Variants in SCRIB observed in about 807,000 individuals in gnomAD.
SCRIB encodes the protein scribble planar cell polarity protein, also known as protein scribble homolog.
SCRIB carries 72 observed loss-of-function variants against 170.0 expected under a neutral mutation model. The ratio of observed to expected loss-of-function variants is 0.42; its 90% CI spans 0.35 to 0.52. The LOEUF (loss-of-function observed/expected upper bound fraction) is 0.52. Ranked by LOEUF, SCRIB falls within the 20% of genes least tolerant of loss-of-function variation. The pLI, the probability that SCRIB is intolerant of heterozygous loss-of-function variation, is 0.02. For synonymous variants in SCRIB, 1,298 were observed against 1,044.3 expected (o/e 1.24, Z -4.68); for missense variants, 2,475 against 2,338.5 (o/e 1.06, Z -1.20).
chr8:143,813,306 C>T lies in SCRIB; in HGVS notation c.567+5G>A, dbSNP rs753422646. 6 of 1,613,362 alleles carry T rather than the reference C, an allele frequency of 3.7e-6. No homozygotes were observed. Among genetic ancestry groups the T allele is most frequent in the East Asian group, 4.5e-5 (2 of 44,892 alleles). On this transcript the variant is annotated splice_donor_5th_base_variant and intron_variant, in intron 6 of 36. Coordinates refer to ENST00000356994, the MANE Select transcript of SCRIB (RefSeq NM_182706.5). ...CGGTCTCTGCCCTGTCAGGCCTCCA[C>T]GCACCAGCACTTCCAGATCGTTGCC...
Position 143,812,938 on chromosome 8 carries a change from C to G in SCRIB, c.666G>C (p.Leu222=). 3 of 1,612,830 alleles carry G rather than the reference C, an allele frequency of 1.9e-6. No homozygotes were observed. The highest frequency in any genetic ancestry group is 2.5e-6 in the Non-Finnish European group (3 of 1,179,902). Residue 222 remains leucine, a synonymous_variant, in exon 8 of 37, where the codon CTG becomes CTC. Coordinates refer to ENST00000356994, the MANE Select transcript of SCRIB (RefSeq NM_182706.5). ...LPPELGNLRR[L]VCLDVSENRL... is the part of the protein sequence containing the mutation. The stretch of plus-strand genomic sequence containing the variant: ...GGTTTTCCGACACGTCCAGGCACAC[C>G]AGGCGCCGCAGGTTCCCGAGCTCCT...
In SCRIB at chr8:143,808,632, C is replaced by A; in HGVS notation, c.2092G>T (p.Val698Leu). The change falls in exon 15 of 37, where the codon GTG becomes TTG. Residue 698 changes from valine to leucine, a missense_variant. Physicochemically the swap from Val to Leu is conservative, Grantham distance 32 (BLOSUM62 1). Coordinates refer to ENST00000356994, the MANE Select transcript of SCRIB (RefSeq NM_182706.5). ...ACCTTGACAGAGGGCGCAGAAACCACGGCCCCCTCCTTGTCCTCCTCCTCA... is the reference window on the plus strand; with the variant it reads ...ACCTTGACAGAGGGCGCAGAAACCAAGGCCCCCTCCTTGTCCTCCTCCTCA... Reference protein sequence around the residue: ...STEEEDKEGAVVSAPSVKGVS... With the variant: ...STEEEDKEGALVSAPSVKGVS... 1.3e-6 allele frequency: 2 copies of A among 1,511,856 alleles called. No homozygotes were observed. The highest frequency in any genetic ancestry group is 1.8e-6 in the Non-Finnish European group (2 of 1,131,060). The allele number at this position is 1,511,856 out of a possible 1,614,324, so 93.7% of individuals were successfully genotyped here. A position where few individuals can be genotyped will look rare whatever the true frequency, so the allele number is the denominator to read the frequency against.
At chr8:143,811,094 T>C in intron 10 of SCRIB, 22 bp from the exon 11 acceptor site, 1 of 1,607,576 alleles carries the variant, frequency 6.2e-7, no homozygotes, top group Non-Finnish European at 8.5e-7. Flanking sequence ...GCGGGCACAG[T>C]CAGCAGGCGT....
rs1194991600 is a variant in SCRIB, at chr8:143,815,388, C to T, written c.-16G>A. 18 of 1,289,542 alleles carry T rather than the reference C, an allele frequency of 1.4e-5. No individual in the cohort carries two copies. Among genetic ancestry groups the T allele is most frequent in the Non-Finnish European group, 1.6e-5 (16 of 1,010,152 alleles). 79.9% of individuals were successfully genotyped at this position (1,289,542 alleles called of 1,614,324 possible). A position where few individuals can be genotyped will look rare whatever the true frequency, so the allele number is the denominator to read the frequency against. The stretch of plus-strand genomic sequence containing the variant: ...ACTTGAGCATGGTGCGGGTGGGCGG[C>T]GCGGGCTCCGGCGGCGGCGCTCGGC... On this transcript the variant is annotated 5_prime_UTR_variant, in exon 1 of 37. Coordinates refer to ENST00000356994, the MANE Select transcript of SCRIB (RefSeq NM_182706.5).
At position 143,813,881 on chromosome 8, in the gene SCRIB, G is replaced by A. The variant is rs1815883210; in HGVS notation, c.293C>T (p.Pro98Leu). 2 of 1,608,248 alleles carry A rather than the reference G, an allele frequency of 1.2e-6. No homozygotes were observed. Among genetic ancestry groups the A allele is most frequent in the Admixed American group, 1.7e-5 (1 of 59,818 alleles). Reference sequence around the variant, plus strand: ...AGCCTTGCAGAACTTGATGCTCTCCGGGATCTCAGGGATATCTGTCACAGA... The same window carrying A: ...AGCCTTGCAGAACTTGATGCTCTCCAGGATCTCAGGGATATCTGTCACAGA... ...DVSRNDIPEI[P>L]ESIKFCKALE... Residue 98 changes from proline to leucine, a missense_variant, in exon 3 of 37, where the codon CCG (proline) becomes CTG (leucine). Physicochemically the swap from Pro to Leu is moderately conservative, Grantham distance 98 (BLOSUM62 -3). Transcript: ENST00000356994.
intron 1 of SCRIB, 61 bp from the exon 2 acceptor site, chr8:143,814,179 C>G: frequency 7.3e-7 from 1 of 1,373,016 alleles, no homozygotes; most frequent in Middle Eastern, 2.2e-4. Flanking sequence ...AGAAGAGCTC[C>G]TGGACACGTG....
intron 14 of SCRIB, 129 bp from the exon 15 acceptor site, chr8:143,809,154 T>G (rs1048381530): frequency 1.6e-6 from 2 of 1,259,696 alleles, no homozygotes; most frequent in Non-Finnish European, 2.1e-6. Flanking sequence ...CAGCACTAAC[T>G]GCCCAGTGAG....
intron 24 of SCRIB, among the ~76,000 whole-genome samples, chr8:143,799,291 G>A (rs1459209860): frequency 6.6e-6 from 1 of 152,204 alleles, no homozygotes; most frequent in Non-Finnish European, 1.5e-5. Flanking sequence ...CGTAAATCGA[G>A]GAAATGCCAA....
intron 14 of SCRIB, among the ~76,000 whole-genome samples, 168 bp from the exon 15 acceptor site, chr8:143,809,193 T>C (rs2130113723): frequency 6.6e-6 from 1 of 152,016 alleles, no homozygotes; most frequent in Non-Finnish European, 1.5e-5. Context: ...TGAGAAAAGC[T>C]GAAGGCCAGG....
intron 8 of SCRIB, 143 bp downstream of exon 8, chr8:143,812,674 C>G: frequency 8.6e-7 from 1 of 1,158,740 alleles, no homozygotes; most frequent in Non-Finnish European, 1.2e-6. Context: ...GGTCCCACCT[C>G]CCCTCCCCAG....
At chr8:143,802,744 C>T (rs757737723) in intron 24 of SCRIB, among the ~76,000 whole-genome samples, 2 of 152,252 alleles carry the variant, frequency 1.3e-5, no homozygotes, top group Admixed American at 6.5e-5. Context: ...ACAGGCCAGG[C>T]TTGTCCAGGA....
At chr8:143,811,454 G>GGC in intron 9 of SCRIB, 109 bp from the exon 10 acceptor site, 1 of 945,512 alleles carries the variant, frequency 1.1e-6, no homozygotes, top group Non-Finnish European at 1.6e-6. Flanking sequence ...TCCAGCCAGG[G>GGC]TCCCTCACAG....
chr8:143,810,559 T>A lies in SCRIB; in HGVS notation c.1450A>T (p.Met484Leu), dbSNP rs770358351. Residue 484 changes from methionine (M) to leucine (L), a missense_variant, in exon 13 of 37, where the codon ATG becomes TTG. Physicochemically the swap from Met to Leu is conservative, Grantham distance 15 (BLOSUM62 2). Around this residue, in one of 3 missense-constraint regions of SCRIB, gnomAD observed 1,966 missense variants for 1,742.9 expected, o/e 1.13. Transcript: ENST00000356994. ...CGCCGCCCCTCGATGCTCCTCTTCATCACCTTGAGCTCGCTGGGGTGAGGT... is the reference window on the plus strand; with the variant it reads ...CGCCGCCCCTCGATGCTCCTCTTCAACACCTTGAGCTCGCTGGGGTGAGGT... ...ATPHPSELKV[M>L]KRSIEGRRSE... The A allele has an allele frequency of 1.2e-5, 19 of 1,613,512 alleles. No individual in the cohort carries two copies. The Middle Eastern group carries it at 2.3e-3, about 195-fold the overall frequency.
At position 143,812,510 on chromosome 8, in the gene SCRIB, G is replaced by A. The variant is rs768754953; in HGVS notation, c.788-126C>T. 151 of 751,868 alleles carry A rather than the reference G, an allele frequency of 2.0e-4. No individual in the cohort carries two copies. In the East Asian group the frequency reaches 3.0e-3, roughly 15 times the overall value. 46.6% of individuals were successfully genotyped at this position (751,868 alleles called of 1,614,324 possible). The stretch of plus-strand genomic sequence containing the variant: ...GCCCCTTCTGCCGCCGCCGTACTTC[G>A]GGAGGACCCTACCTACCTTGCCCCA... On this transcript the variant is annotated intron_variant, in intron 8 of 36. Coordinates refer to ENST00000356994, the MANE Select transcript of SCRIB (RefSeq NM_182706.5).
Position 143,794,182 on chromosome 8 carries a change from A to G in SCRIB, c.3847-220T>C, listed in dbSNP as rs1485983868. ...CCTGGGCTGGGCAGCTGCTGTCTCC[A>G]TGGCAGTGTGCTGGCTGGAGCTTTG... On this transcript the variant is annotated intron_variant, in intron 27 of 36. Coordinates refer to ENST00000356994, the MANE Select transcript of SCRIB (RefSeq NM_182706.5). The G allele has an allele frequency of 1.1e-5, 6 of 557,992 alleles. No individual in the cohort carries two copies. The East Asian group carries it at 1.4e-4, about 13-fold the overall frequency. 34.6% of individuals were successfully genotyped at this position (557,992 alleles called of 1,614,324 possible). A position where few individuals can be genotyped will look rare whatever the true frequency, so the allele number is the denominator to read the frequency against.
intron 15 of SCRIB, among the ~76,000 whole-genome samples, chr8:143,807,970 A>T (rs1815506741): frequency 2.0e-5 from 3 of 152,022 alleles, no homozygotes. Flanking sequence ...AGCAGGTGAG[A>T]CCCTTTGTGA....
Position 143,798,593 on chromosome 8 carries a change from ACT to A in SCRIB, c.3604-3065_3604-3064del, listed in dbSNP as rs1451588865. Among the ~76,000 whole-genome samples, 20 of 152,346 alleles carry A rather than the reference ACT, an allele frequency of 1.3e-4. No individual in the cohort carries two copies. The East Asian group carries it at 3.9e-3, about 29-fold the overall frequency. ...GCGACTACAGGCCATGTGCCACCAC[ACT>A]CAGTTAATTTTGAAATTAAGGAATT... On this transcript the variant is annotated intron_variant, in intron 24 of 36. Coordinates refer to ENST00000356994, the MANE Select transcript of SCRIB (RefSeq NM_182706.5).
intron 6 of SCRIB, 81 bp downstream of exon 6, chr8:143,813,230 C>G: frequency 6.3e-7 from 1 of 1,596,432 alleles, no homozygotes; most frequent in Non-Finnish European, 8.6e-7. Context: ...CCCTTGCTGT[C>G]GGATCTGCTC....
intron 24 of SCRIB, among the ~76,000 whole-genome samples, chr8:143,801,825 G>T (rs1164305454): frequency 6.6e-6 from 1 of 152,210 alleles, no homozygotes; most frequent in Non-Finnish European, 1.5e-5. Flanking sequence ...GGAGGGTGTG[G>T]AGGTGGCTCT....
Sources: allele counts gnomAD v4.1 joint callset (sites outside exome capture counted in the v4.1 genomes callset), GRCh38; gene constraint gnomAD v4.1.1; regional missense constraint gnomAD v4.1.1; transcripts MANE v1.5; gene names NCBI Gene and HGNC (gene_info 2026-07-23, HGNC 2026-07-21).